Variants in MSMO1 observed in about 807,000 individuals in gnomAD.
MSMO1 encodes methylsterol monooxygenase 1, also known as C-4 methylsterol oxidase.
MSMO1 carries 18 observed loss-of-function variants against 30.4 expected under a neutral mutation model. The observed-to-expected ratio is 0.59, with a 90% CI of 0.41 to 0.88. The LOEUF is 0.88. MSMO1 is among the 40% of genes least tolerant of loss of function. The pLI is 0.00. For missense variants in MSMO1, 284 were observed against 340.5 expected, an observed-to-expected ratio of 0.83 and a Z score of 1.31; for synonymous variants, 84 against 107.9, an observed-to-expected ratio of 0.78 and a Z score of 1.37.
intron 2 of MSMO1, among the ~76,000 whole-genome samples, chr4:165,335,226 T>C (rs534974043): frequency 8.3e-4 from 127 of 152,334 alleles, no homozygotes; most frequent in African/African-American, 2.7e-3. Flanking sequence ...ACACATTCTC[T>C]GTTATCATTC....
At chr4:165,332,081 A>G (rs1014970200) in intron 1 of MSMO1, among the ~76,000 whole-genome samples, 32 of 151,972 alleles carry the variant, frequency 2.1e-4, no homozygotes, top group African/African-American at 6.8e-4. Context: ...CATTAACACT[A>G]TCTCCTGCCC....
Position 165,343,028 on chromosome 4 carries a change from A to C in MSMO1, c.*1082A>C, listed in dbSNP as rs1442268938. ...GAAACTTTGTGAACTGACTTGCTGTATTTGCACTTTGAGCTCTTGAAATAA... is the reference window on the plus strand; with the variant it reads ...GAAACTTTGTGAACTGACTTGCTGTCTTTGCACTTTGAGCTCTTGAAATAA... On this transcript the variant is annotated 3_prime_UTR_variant, in exon 6 of 6. Coordinates refer to ENST00000261507, the MANE Select transcript of MSMO1 (RefSeq NM_006745.5). 1 of 152,578 alleles carries C rather than the reference A, an allele frequency of 6.6e-6. No individual in the cohort carries two copies. The highest frequency in any genetic ancestry group is 1.5e-5 in the Non-Finnish European group (1 of 68,020). The allele number at this position is 152,578 out of a possible 1,614,324, so 9.5% of individuals were successfully genotyped here. A position where few individuals can be genotyped will look rare whatever the true frequency, so the allele number is the denominator to read the frequency against.
In MSMO1 at chr4:165,341,965, C is replaced by A. The variant is rs934097500; in HGVS notation, c.*19C>A. 1.3e-6 allele frequency: 2 copies of A among 1,583,178 alleles called. No homozygotes were observed. Among genetic ancestry groups the A allele is most frequent in the African/African-American group, 2.7e-5 (2 of 74,292 alleles). On this transcript the variant is annotated 3_prime_UTR_variant, in exon 6 of 6. Transcript: ENST00000261507. ...TGAATAAATATCTCACGTAAACCTTCCTGAAAGATAAACGTTTTCCTGAAT... is the reference window on the plus strand; with the variant it reads ...TGAATAAATATCTCACGTAAACCTTACTGAAAGATAAACGTTTTCCTGAAT...
intron 1 of MSMO1, among the ~76,000 whole-genome samples, chr4:165,330,848 C>T (rs774926670): frequency 3.3e-5 from 5 of 152,154 alleles, no homozygotes; most frequent in Non-Finnish European, 2.9e-5. Context: ...CATCAGCCTC[C>T]CCAAGGTGCT....
intron 1 of MSMO1, among the ~76,000 whole-genome samples, chr4:165,329,589 A>G (rs1294328112): frequency 1.4e-5 from 2 of 139,772 alleles, no homozygotes; most frequent in Admixed American, 7.0e-5. Flanking sequence ...AAAAAAAAAA[A>G]GGTTTATTGG....
intron 1 of MSMO1, 38 bp downstream of exon 1, chr4:165,327,802 G>A (rs376310691): frequency 2.0e-5 from 3 of 152,394 alleles, no homozygotes; most frequent in African/African-American, 7.2e-5. Context: ...AGCGAGGAAG[G>A]GGGAGCAGGC....
Position 165,335,954 on chromosome 4 carries a change from G to T in MSMO1, c.256-1835G>T, listed in dbSNP as rs1747529200. Among the ~76,000 whole-genome samples the T allele has an allele frequency of 2.0e-5, 3 of 152,158 alleles. No individual in the cohort carries two copies. The South Asian group carries it at 6.2e-4, about 31-fold the overall frequency. ...AAAATATTGGTACAAATTAATTACA[G>T]GTTTATGCATTTCGAAGGCAGATAC... On this transcript the variant is annotated intron_variant, in intron 2 of 5. Transcript: ENST00000261507.
At chr4:165,335,334 A>G (rs1177505702) in intron 2 of MSMO1, among the ~76,000 whole-genome samples, 1 of 152,170 alleles carries the variant, frequency 6.6e-6, no homozygotes, top group East Asian at 1.9e-4. Flanking sequence ...TGTGGACTCC[A>G]GGCCAAAGGA....
At chr4:165,338,306 G>GTA (rs72119405) in intron 3 of MSMO1, among the ~76,000 whole-genome samples, 20 of 83,310 alleles carry the variant, frequency 2.4e-4, no homozygotes, top group African/African-American at 9.8e-4. Flanking sequence ...ATATGTATGT[G>GTA]TATATATATA....
At chr4:165,331,094 A>G (rs1393996987) in intron 1 of MSMO1, among the ~76,000 whole-genome samples, 1 of 152,052 alleles carries the variant, frequency 6.6e-6, no homozygotes, top group Non-Finnish European at 1.5e-5. Context: ...ACTTGAGCCT[A>G]GGAGTTTAAG....
At chr4:165,330,082 TCTC>T (rs532793932) in intron 1 of MSMO1, among the ~76,000 whole-genome samples, 127 of 152,338 alleles carry the variant, frequency 8.3e-4, no homozygotes, top group Non-Finnish European at 1.4e-3. Flanking sequence ...TAGGAATTAT[TCTC>T]CTTGTACTCT....
chr4:165,328,134 T>C (rs1747290862), intron 1 of MSMO1: 1 of 152,172 alleles, frequency 6.6e-6, no homozygotes, highest in Non-Finnish European at 1.5e-5. Context: ...TAAGATGTAG[T>C]GTGCTTTGGG....
At position 165,332,597 on chromosome 4, in the gene MSMO1, T is replaced by C. The variant is rs573757710; in HGVS notation, c.-31-743T>C. Among the ~76,000 whole-genome samples, 91 of 152,336 alleles carry C rather than the reference T, an allele frequency of 6.0e-4. 1 individual carries two copies. The highest frequency in any genetic ancestry group is 2.2e-3 in the African/African-American group (90 of 41,582). ...TGATGTATCCCCCCTGCCCACAGTGTGTGGTCATGCCTGTTCTCTCACCCT... is the reference window on the plus strand; with the variant it reads ...TGATGTATCCCCCCTGCCCACAGTGCGTGGTCATGCCTGTTCTCTCACCCT... On this transcript the variant is annotated intron_variant, in intron 1 of 5. Coordinates refer to ENST00000261507, the MANE Select transcript of MSMO1 (RefSeq NM_006745.5).
Position 165,342,276 on chromosome 4 carries a change from C to G in MSMO1, c.*330C>G, listed in dbSNP as rs1059212. The G allele has an allele frequency of 0.069, 15,821 of 227,904 alleles. 2,446 individuals are homozygous for G. Among genetic ancestry groups the G allele is most frequent in the African/African-American group, 0.33 (14,098 of 42,620 alleles). 14.1% of individuals were successfully genotyped at this position (227,904 alleles called of 1,614,324 possible). ...CCAGTAAAACCATAGGCCTGAAGTT[C>G]ACATTGGGTCTTTAAATCTTTTAGA... On this transcript the variant is annotated 3_prime_UTR_variant, in exon 6 of 6. Transcript: ENST00000261507.
intron 1 of MSMO1, 38 bp from the exon 2 acceptor site, chr4:165,333,302 C>T: frequency 6.7e-7 from 1 of 1,500,118 alleles, no homozygotes; most frequent in Non-Finnish European, 9.1e-7. Flanking sequence ...TTTGAAAGCT[C>T]ATTGTTTAAC....
chr4:165,333,283 GTTTTA>G, intron 1 of MSMO1, 52 bp from the exon 2 acceptor site: 1 of 1,424,722 alleles, frequency 7.0e-7, no homozygotes, highest in Non-Finnish European at 9.7e-7. Flanking sequence ...TTTTTTAACT[GTTTTA>G]TTTTTTGAAA....
At chr4:165,338,592 A>G (rs1262755991) in intron 3 of MSMO1, 60 bp from the exon 4 acceptor site, 2 of 1,467,676 alleles carry the variant, frequency 1.4e-6, no homozygotes, top group East Asian at 4.6e-5. Context: ...TCCCAACTAA[A>G]AGTCTGGATA....
chr4:165,340,576 G>A, intron 5 of MSMO1: 1 of 584,928 alleles, frequency 1.7e-6, no homozygotes, highest in Non-Finnish European at 3.0e-6. Flanking sequence ...TTTTTATAGT[G>A]ATAATGTGTT....
chr4:165,328,076 T>G (rs538953522), intron 1 of MSMO1: 28 of 152,436 alleles, frequency 1.8e-4, no homozygotes, highest in African/African-American at 6.0e-4. Flanking sequence ...CAGCACAGGG[T>G]GATAGGCTGG....
Sources: gnomAD v4.1 joint callset for allele counts (sites outside exome capture counted in the v4.1 genomes callset) on GRCh38, gnomAD v4.1.1 for gene constraint, MANE v1.5 for transcripts, NCBI Gene and HGNC (gene_info 2026-07-23, HGNC 2026-07-21) for gene names.